The following USP12 variants were observed in gnomAD, a reference collection of about 807,000 sequenced individuals.
USP12 encodes ubiquitin specific peptidase 12, also known as ubiquitin carboxyl-terminal hydrolase 12.
Under a neutral mutation model 45.5 loss-of-function variants are expected in USP12, and 19 were observed. That is an observed-to-expected ratio of 0.42 (90% CI 0.29 to 0.61). USP12 has a LOEUF of 0.61. USP12 is among the 20% of genes least tolerant of loss of function. The pLI, the probability that USP12 is intolerant of heterozygous loss-of-function variation, is 0.22. For missense variants in USP12, 242 were observed against 447.7 expected (o/e 0.54, Z 4.15); for synonymous variants, 149 against 148.8 (o/e 1.00, Z -0.01).
At chr13:27,106,275 C>T (rs1301977464) in intron 2 of USP12, among the ~76,000 whole-genome samples, 4 of 151,960 alleles carry the variant, frequency 2.6e-5, no homozygotes, top group Admixed American at 6.6e-5. Context: ...TCACAGTATT[C>T]ATGATGTATT....
At chr13:27,139,982 C>CTG (rs1306216495) in intron 1 of USP12, among the ~76,000 whole-genome samples, 54 of 152,276 alleles carry the variant, frequency 3.5e-4, no homozygotes, top group Non-Finnish European at 2.9e-4. Context: ...TAATTACCCT[C>CTG]TAACAGAGTA....
intron 7 of USP12, 43 bp from the exon 8 acceptor site, chr13:27,071,192 TA>T: frequency 6.6e-7 from 1 of 1,509,358 alleles, no homozygotes; most frequent in Non-Finnish European, 9.0e-7. Flanking sequence ...TATTTATTAA[TA>T]TTACTCTTTC....
At position 27,106,223 on chromosome 13, in the gene USP12, A is replaced by C. The variant is rs75134831; in HGVS notation, c.130-279T>G. Among the ~76,000 whole-genome samples the C allele has an allele frequency of 1.4e-4, 21 of 152,288 alleles. No homozygotes were observed. The East Asian group carries it at 4.1e-3, about 29-fold the overall frequency. On this transcript the variant is annotated intron_variant, in intron 2 of 8. Transcript: ENST00000282344. The stretch of plus-strand genomic sequence containing the variant: ...AGATCCCCTGAAACGTTACATGAAA[A>C]AGTCACCAGTATGACAGTCTAGCAA...
chr13:27,078,733 T>C (rs1458932751), intron 6 of USP12, among the ~76,000 whole-genome samples: 1 of 151,814 alleles, frequency 6.6e-6, no homozygotes, highest in Non-Finnish European at 1.5e-5. Flanking sequence ...TGCTCCAAAA[T>C]TTGAAAGAAT....
rs531453999 is a variant in USP12 at position 27,073,074 on chromosome 13, A to G, written c.933-1925T>C. On this transcript the variant is annotated intron_variant, in intron 7 of 8. Transcript: ENST00000282344. Reference sequence around the variant, plus strand: ...AAGACAGGGCTAGCAATGCACGTCTAGTATTTATGTGAAGACAATGGAGCA... The same window carrying G: ...AAGACAGGGCTAGCAATGCACGTCTGGTATTTATGTGAAGACAATGGAGCA... 2.0e-5 allele frequency among the ~76,000 whole-genome samples: 3 copies of G among 152,356 alleles called. No homozygotes were observed. In the East Asian group the frequency reaches 5.8e-4, roughly 29 times the overall value.
chr13:27,097,944 T>C (rs920863808), intron 3 of USP12, among the ~76,000 whole-genome samples: 23 of 152,192 alleles, frequency 1.5e-4, no homozygotes, highest in African/African-American at 4.3e-4. Flanking sequence ...TTCATTTGTT[T>C]CATATACACC....
intron 4 of USP12, among the ~76,000 whole-genome samples, chr13:27,093,865 C>CA (rs1874434132): frequency 6.6e-6 from 1 of 152,150 alleles, no homozygotes; most frequent in Non-Finnish European, 1.5e-5. Flanking sequence ...AATAAGTTAT[C>CA]AAGCCTTAAA....
At chr13:27,125,165 T>C (rs1382451988) in intron 1 of USP12, among the ~76,000 whole-genome samples, 1 of 152,248 alleles carries the variant, frequency 6.6e-6, no homozygotes. Context: ...TTTGTTTCAA[T>C]ATGTAAGTAT....
intron 1 of USP12, among the ~76,000 whole-genome samples, chr13:27,118,243 G>C (rs1008343955): frequency 6.6e-5 from 10 of 151,884 alleles, no homozygotes; most frequent in African/African-American, 2.4e-4. Context: ...GGCTGAAAAG[G>C]GGACTGATAA....
chr13:27,095,914 T>G (rs1018368773), intron 3 of USP12, 84 bp from the exon 4 acceptor site: 49 of 996,466 alleles, frequency 4.9e-5, no homozygotes, highest in Non-Finnish European at 6.4e-5. Context: ...ATATCTAGTA[T>G]TGGATCAGAA....
intron 1 of USP12, among the ~76,000 whole-genome samples, chr13:27,153,420 T>C (rs904563125): frequency 6.6e-6 from 1 of 152,208 alleles, no homozygotes; most frequent in African/African-American, 2.4e-5. Flanking sequence ...CAAAAACATA[T>C]AAAGTAATGA....
At chr13:27,127,389 C>G (rs557053891) in intron 1 of USP12, among the ~76,000 whole-genome samples, 96 of 152,260 alleles carry the variant, frequency 6.3e-4, no homozygotes, top group African/African-American at 2.2e-3. Flanking sequence ...GCTGCCAACA[C>G]TAATGGAGAA....
At chr13:27,163,732 T>C (rs1260117320) in intron 1 of USP12, among the ~76,000 whole-genome samples, 5 of 132,588 alleles carry the variant, frequency 3.8e-5, no homozygotes, top group African/African-American at 1.5e-4. Flanking sequence ...GGTTTAAATG[T>C]AGGAGACAGC....
intron 6 of USP12, among the ~76,000 whole-genome samples, chr13:27,076,616 T>G (rs934475087): frequency 6.6e-6 from 1 of 152,202 alleles, no homozygotes; most frequent in African/African-American, 2.4e-5. Flanking sequence ...TTCCCCACTA[T>G]CTAGCAACAT....
At chr13:27,132,938 G>T (rs1215249143) in intron 1 of USP12, among the ~76,000 whole-genome samples, 1 of 152,186 alleles carries the variant, frequency 6.6e-6, no homozygotes, top group African/African-American at 2.4e-5. Flanking sequence ...TATTCTGAAT[G>T]AACTTCTTTA....
chr13:27,093,259 T>C (rs541679449), intron 4 of USP12, among the ~76,000 whole-genome samples: 1 of 145,288 alleles, frequency 6.9e-6, no homozygotes, highest in African/African-American at 2.5e-5. Flanking sequence ...TGGGAGAAAA[T>C]ATTTGCCAAA....
At chr13:27,098,728 A>G (rs1303207455) in intron 3 of USP12, among the ~76,000 whole-genome samples, 2 of 152,250 alleles carry the variant, frequency 1.3e-5, no homozygotes, top group Admixed American at 1.3e-4. Flanking sequence ...AAACAAGCAT[A>G]AATACGGCTG....
chr13:27,171,158 C>T (rs1160756678), intron 1 of USP12, among the ~76,000 whole-genome samples: 1 of 151,146 alleles, frequency 6.6e-6, no homozygotes, highest in Non-Finnish European at 1.5e-5. Flanking sequence ...CGCGGCTCCG[C>T]GCCCCCTCCC....
At chr13:27,102,041 A>G (rs1874888613) in intron 3 of USP12, among the ~76,000 whole-genome samples, 1 of 152,150 alleles carries the variant, frequency 6.6e-6, no homozygotes, top group South Asian at 2.1e-4. Context: ...GAATGAATGA[A>G]TGGACAATAG....
Sources: allele counts gnomAD v4.1 joint callset (sites outside exome capture counted in the v4.1 genomes callset), GRCh38; gene constraint gnomAD v4.1.1; transcripts MANE v1.5; gene names NCBI Gene and HGNC (gene_info 2026-07-23, HGNC 2026-07-21).